SOCS6: variants seen among roughly 807,000 people sequenced by gnomAD.
The protein encoded by SOCS6 is STAT induced STAT inhibitor-4.
In SOCS6, 5 loss-of-function variants were observed where a neutral mutation model predicts 27.7. The observed-to-expected ratio is 0.18, with a 90% CI of 0.09 to 0.38. The LOEUF (loss-of-function observed/expected upper bound fraction) is 0.38. Among genes scored for constraint, SOCS6 ranks in the 10% least tolerant of loss-of-function variants. The pLI, the probability that SOCS6 is intolerant of heterozygous loss-of-function variation, is 1.00. For synonymous variants in SOCS6, 271 were observed against 260.0 expected, an observed-to-expected ratio of 1.04 and a Z score of -0.41; for missense variants, 595 against 688.1, an observed-to-expected ratio of 0.86 and a Z score of 1.51.
chr18:70,325,625 T>C lies in SOCS6; in HGVS notation c.957T>C (p.Asn319=). Residue 319 remains asparagine, a synonymous_variant, in exon 2 of 2, where the codon AAT becomes AAC. Transcript: ENST00000397942. This position sits in a 1 kb window ranked among gnomAD's most constrained non-coding sequence, Gnocchi z 6.3. ...PLSPLLPPMQ[N]NQIQRNFSGL... ...CACCATTGCTACCTCCAATGCAGAA[T>C]AATCAAATCCAAAGGAACTTCAGTG... 6.2e-7 allele frequency: 1 copy of C among 1,614,196 alleles called. No individual in the cohort carries two copies. Among genetic ancestry groups the C allele is most frequent in the South Asian group, 1.1e-5 (1 of 91,074 alleles).
chr18:70,293,509 T>C (rs948521091), intron 1 of SOCS6, among the ~76,000 whole-genome samples: 3 of 152,190 alleles, frequency 2.0e-5, no homozygotes, highest in African/African-American at 7.2e-5. Flanking sequence ...TTTCTCCTGC[T>C]TACATAGCTT....
At chr18:70,293,863 C>T (rs1041152745) in intron 1 of SOCS6, among the ~76,000 whole-genome samples, 2 of 152,018 alleles carry the variant, frequency 1.3e-5, no homozygotes, top group Non-Finnish European at 2.9e-5. Flanking sequence ...GGGGCTGAGG[C>T]GGGTGGAGCA....
intron 1 of SOCS6, among the ~76,000 whole-genome samples, chr18:70,294,326 G>A (rs2062313976): frequency 6.6e-6 from 1 of 151,966 alleles, no homozygotes; most frequent in South Asian, 2.1e-4. Flanking sequence ...CACTGAGTAG[G>A]AGTCCGTTTT....
chr18:70,323,622 C>A (rs935500536), intron 1 of SOCS6, among the ~76,000 whole-genome samples: 1 of 152,160 alleles, frequency 6.6e-6, no homozygotes, highest in South Asian at 2.1e-4. Context: ...TGAGCTTCTT[C>A]CTCCTCTGTG....
chr18:70,299,452 C>T (rs937453350), intron 1 of SOCS6, among the ~76,000 whole-genome samples: 1 of 152,218 alleles, frequency 6.6e-6, no homozygotes, highest in African/African-American at 2.4e-5. Context: ...GGCCTCCTGC[C>T]CAGCTCACCC....
chr18:70,299,407 C>CG (rs1435383920), intron 1 of SOCS6, among the ~76,000 whole-genome samples: 1 of 152,178 alleles, frequency 6.6e-6, no homozygotes, highest in Non-Finnish European at 1.5e-5. Flanking sequence ...GGAGCAAGCA[C>CG]GGGGGGACGT....
At chr18:70,289,279 C>G (rs1568593661) in intron 1 of SOCS6, among the ~76,000 whole-genome samples, 189 bp downstream of exon 1, 1 of 149,006 alleles carries the variant, frequency 6.7e-6, no homozygotes, top group Non-Finnish European at 1.5e-5. Context: ...CGAGGCCCTG[C>G]GCCGTCTCGG....
intron 1 of SOCS6, among the ~76,000 whole-genome samples, chr18:70,296,963 G>A (rs1165368623): frequency 1.7e-5 from 2 of 119,318 alleles, no homozygotes; most frequent in East Asian, 2.7e-4. Flanking sequence ...TCCTAAATCC[G>A]TCTACTTATT....
At chr18:70,321,622 G>A (rs1450183567) in intron 1 of SOCS6, among the ~76,000 whole-genome samples, 1 of 151,260 alleles carries the variant, frequency 6.6e-6, no homozygotes, top group East Asian at 2.0e-4. Context: ...GAGCCATCAT[G>A]CCCCGCCTCT....
intron 1 of SOCS6, among the ~76,000 whole-genome samples, chr18:70,318,621 T>G (rs1287613644): frequency 4.6e-5 from 7 of 151,970 alleles, no homozygotes; most frequent in Non-Finnish European, 8.8e-5. Flanking sequence ...TGTTGTTTTT[T>G]TTTTTTAATC....
chr18:70,297,548 G>A (rs1468996908), intron 1 of SOCS6, among the ~76,000 whole-genome samples: 1 of 152,140 alleles, frequency 6.6e-6, no homozygotes, highest in Non-Finnish European at 1.5e-5. Context: ...TCTGTAGTGG[G>A]TGGTAACATA....
intron 1 of SOCS6, among the ~76,000 whole-genome samples, chr18:70,319,794 C>A (rs1281611447): frequency 2.0e-5 from 3 of 152,032 alleles, no homozygotes; most frequent in Non-Finnish European, 4.4e-5. Context: ...CCAGGGGAAG[C>A]GCTTGTTTGA....
intron 1 of SOCS6, among the ~76,000 whole-genome samples, chr18:70,323,334 G>A (rs1245343812): frequency 6.6e-6 from 1 of 152,124 alleles, no homozygotes. Flanking sequence ...ACTTAACGTG[G>A]TTTATGGAAC....
At chr18:70,290,346 C>T (rs2062293182) in intron 1 of SOCS6, among the ~76,000 whole-genome samples, 1 of 152,208 alleles carries the variant, frequency 6.6e-6, no homozygotes, top group South Asian at 2.1e-4. Flanking sequence ...TAACCAACTA[C>T]CACAACATTA....
chr18:70,293,389 T>C (rs575291801), intron 1 of SOCS6, among the ~76,000 whole-genome samples: 2 of 152,008 alleles, frequency 1.3e-5, no homozygotes, highest in Non-Finnish European at 2.9e-5. Context: ...ATGATGTGTG[T>C]CTGAGTGACT....
rs971580306 is a variant in SOCS6 at position 70,292,568 on chromosome 18, G to C, written c.-127+3478G>C. 2.6e-5 allele frequency among the ~76,000 whole-genome samples: 4 copies of C among 152,236 alleles called. 1 individual carries two copies. The highest frequency in any genetic ancestry group is 2.6e-4 in the Admixed American group (4 of 15,290). ...TTCCTTATGTTGCCCAGTTGGTCTT[G>C]AAATCACGGGCTCAAGTGATCCTCC... On this transcript the variant is annotated intron_variant, in intron 1 of 1. Coordinates refer to ENST00000397942, the MANE Select transcript of SOCS6 (RefSeq NM_004232.4).
At chr18:70,297,329 G>A (rs1224792458) in intron 1 of SOCS6, among the ~76,000 whole-genome samples, 1 of 148,000 alleles carries the variant, frequency 6.8e-6, no homozygotes, top group Non-Finnish European at 1.5e-5. Flanking sequence ...ATAAAGAAGT[G>A]TATGTTTAAT....
At chr18:70,305,136 G>A (rs1295058297) in intron 1 of SOCS6, among the ~76,000 whole-genome samples, 1 of 226 alleles carries the variant, frequency 4.4e-3, no homozygotes, top group African/African-American at 0.017. Context: ...GAAGCCGGGA[G>A]GTGGGAGGTT....
chr18:70,292,579 C>T (rs1287593660), intron 1 of SOCS6, among the ~76,000 whole-genome samples: 1 of 152,172 alleles, frequency 6.6e-6, no homozygotes, highest in Admixed American at 6.5e-5. Flanking sequence ...AAATCACGGG[C>T]TCAAGTGATC....
Sources: allele counts gnomAD v4.1 joint callset (sites outside exome capture counted in the v4.1 genomes callset), GRCh38; gene constraint gnomAD v4.1.1; non-coding constraint Gnocchi (gnomAD v3.1); transcripts MANE v1.5; gene names NCBI Gene and HGNC (gene_info 2026-07-23, HGNC 2026-07-21).